The following MFN2 variants were observed in gnomAD, a reference collection of about 807,000 sequenced individuals.
The protein encoded by MFN2 is mitofusin-2.
In MFN2, 43 loss-of-function variants were observed where a neutral mutation model predicts 87.5. The ratio of observed to expected loss-of-function variants is 0.49; its 90% CI spans 0.38 to 0.63. The LOEUF (loss-of-function observed/expected upper bound fraction) is 0.63, where lower values mean the gene tolerates loss of function less well. Ranked by LOEUF, MFN2 falls within the 30% of genes least tolerant of loss-of-function variation. The pLI is 0.00. For missense variants in MFN2, 743 were observed against 972.8 expected (o/e 0.76, Z 3.14); for synonymous variants, 337 against 359.9 (o/e 0.94, Z 0.72).
rs1639467005 is a variant in MFN2, at chr1:12,007,277, G to A, written c.2069+28G>A. The A allele has an allele frequency of 3.1e-6, 5 of 1,609,790 alleles. No homozygotes were observed. The African/African-American group carries it at 4.0e-5, about 13-fold the overall frequency. ...GAGTGGCCCTGTCGGACCCCAGCAG[G>A]GGACTTCCTTTAGGCAGGGTCAGCC... On this transcript the variant is annotated intron_variant, in intron 17 of 18. Coordinates refer to ENST00000235329, the MANE Select transcript of MFN2 (RefSeq NM_014874.4).
rs1445631790 is a variant in MFN2, at chr1:12,009,736, G to T, written c.2204+10G>T. 2.5e-6 allele frequency: 4 copies of T among 1,614,032 alleles called. No individual in the cohort carries two copies. The highest frequency in any genetic ancestry group is 2.5e-6 in the Non-Finnish European group (3 of 1,180,020). ...AAGCAAAGCTGCTCAGGTGAGGCTG[G>T]CCCGTGTGGCCAAAGGTTAGGGCTC... On this transcript the variant is annotated intron_variant, in intron 18 of 18. Transcript: ENST00000235329.
intron 2 of MFN2, among the ~76,000 whole-genome samples, chr1:11,985,442 C>T (rs959436068): frequency 6.6e-6 from 1 of 150,660 alleles, no homozygotes; most frequent in Non-Finnish European, 1.5e-5. Context: ...ATATCATGCC[C>T]CATCCTTGAT....
At chr1:11,989,736 T>G (rs1638593281) in intron 3 of MFN2, among the ~76,000 whole-genome samples, 1 of 152,186 alleles carries the variant, frequency 6.6e-6, no homozygotes, top group African/African-American at 2.4e-5. Context: ...TGGCTGCCAT[T>G]AATACCAGGC....
chr1:12,007,191 G>T lies in MFN2; in HGVS notation c.2011G>T (p.Glu671Ter). The T allele has an allele frequency of 6.2e-7, 1 of 1,614,170 alleles. No homozygotes were observed. The highest frequency in any genetic ancestry group is 8.5e-7 in the Non-Finnish European group (1 of 1,180,048). The change falls in exon 17 of 19, where the codon GAG becomes TAG. Residue 671 changes from glutamate to a stop codon, truncating the protein, a stop_gained. Coordinates refer to ENST00000235329, the MANE Select transcript of MFN2 (RefSeq NM_014874.4). LOFTEE classifies it high-confidence loss of function. ...GCGCCAGTTTGTGGAGCATGCCAGC[G>T]AGAAGCTGCAGCTTGTCATCAGCTA... ...FKRQFVEHAS[E>*]KLQLVISYTG...
chr1:12,004,223 A>G lies in MFN2; in HGVS notation c.1287+105A>G. On this transcript the variant is annotated intron_variant, in intron 12 of 18. Transcript: ENST00000235329. This position sits in a 1 kb window ranked among gnomAD's most constrained non-coding sequence, Gnocchi z 4.2. ...GGGACTTCTCAGCCTTTCAGAAGAA[A>G]GTTGTGGCCCTGTTTCAAGAATACA... 1.3e-6 allele frequency: 2 copies of G among 1,483,958 alleles called. No homozygotes were observed. The highest frequency in any genetic ancestry group is 1.9e-5 in the Admixed American group (1 of 53,202). 91.9% of individuals were successfully genotyped at this position (1,483,958 alleles called of 1,614,324 possible). A position where few individuals can be genotyped will look rare whatever the true frequency, so the allele number is the denominator to read the frequency against.
intron 18 of MFN2, 79 bp downstream of exon 18, chr1:12,009,805 C>G (rs543083300): frequency 1.9e-6 from 3 of 1,601,082 alleles, no homozygotes; most frequent in Middle Eastern, 3.4e-4. Flanking sequence ...GCTGGGCTTG[C>G]GTCTTGGGTG....
intron 4 of MFN2, among the ~76,000 whole-genome samples, chr1:11,995,165 G>A (rs566789307): frequency 6.6e-6 from 1 of 152,234 alleles, no homozygotes; most frequent in South Asian, 2.1e-4. Context: ...GGGAGGCTGA[G>A]GTGGGAGGAT....
chr1:12,001,809 G>GT lies in MFN2; in HGVS notation c.1014dup (p.Gln339SerfsTer4). The GT allele has an allele frequency of 6.2e-7, 1 of 1,614,192 alleles. No homozygotes were observed. The highest frequency in any genetic ancestry group is 8.5e-7 in the Non-Finnish European group (1 of 1,180,022). ...AAGGCTTTCAAGTGAGGATGTTTGA[G>GT]TTTCAGAATTTTGAGAGGAGATTTG... is the stretch of plus-strand genomic sequence containing the variant. On this transcript the variant is annotated frameshift_variant, in exon 10 of 19. Transcript: ENST00000235329. LOFTEE classifies it high-confidence loss of function.
rs983129784 is a variant in MFN2, at chr1:11,996,021, T to C, written c.312-135T>C. On this transcript the variant is annotated intron_variant, in intron 4 of 18. Coordinates refer to ENST00000235329, the MANE Select transcript of MFN2 (RefSeq NM_014874.4). ...ATTTTAATAAACAGTGCCTACTCTT[T>C]GTCTCTCAGCACTGTCTGGGCACTG... The C allele has an allele frequency of 3.5e-5, 38 of 1,085,474 alleles. No individual in the cohort carries two copies. In the Admixed American group the frequency reaches 6.6e-4, roughly 19 times the overall value. 67.2% of individuals were successfully genotyped at this position (1,085,474 alleles called of 1,614,324 possible). A position where few individuals can be genotyped will look rare whatever the true frequency, so the allele number is the denominator to read the frequency against.
At position 12,011,681 on chromosome 1, in the gene MFN2, G is replaced by A. The variant is rs929410460; in HGVS notation, c.*116G>A. 2 of 1,066,082 alleles carry A rather than the reference G, an allele frequency of 1.9e-6. No homozygotes were observed. Among genetic ancestry groups the A allele is most frequent in the African/African-American group, 3.1e-5 (2 of 64,168 alleles). 66.0% of individuals were successfully genotyped at this position (1,066,082 alleles called of 1,614,324 possible). On this transcript the variant is annotated 3_prime_UTR_variant, in exon 19 of 19. Coordinates refer to ENST00000235329, the MANE Select transcript of MFN2 (RefSeq NM_014874.4). Reference sequence around the variant, plus strand: ...GCCCCCTGGCCACTGCCAAGAGAATGAAGCACCCAGTCTCGTACCATTTTG... The same window carrying A: ...GCCCCCTGGCCACTGCCAAGAGAATAAAGCACCCAGTCTCGTACCATTTTG...
chr1:12,000,897 C>T (rs979099886), intron 8 of MFN2, among the ~76,000 whole-genome samples: 13 of 152,166 alleles, frequency 8.5e-5, no homozygotes, highest in African/African-American at 1.7e-4. Context: ...ATCTTTGGCA[C>T]GCTCACTGCC....
At chr1:11,987,027 T>C (rs1190391241) in intron 2 of MFN2, among the ~76,000 whole-genome samples, 2 of 151,796 alleles carry the variant, frequency 1.3e-5, no homozygotes, top group Admixed American at 6.6e-5. Flanking sequence ...TGTGATAATA[T>C]GGCTGGGTAC....
rs28940296 is a variant in MFN2, at chr1:11,992,584, G to A, written c.205G>A (p.Val69Ile). The change falls in exon 4 of 19, where the codon GTT (valine) becomes ATT (isoleucine). Residue 69 changes from valine to isoleucine, a missense_variant. This residue lies in a region of MFN2 where 141 missense variants were observed against 278.9 expected (regional missense o/e 0.51). Transcript: ENST00000235329. ...DTYRNAELDPVTTEEQVLDVK... is the reference protein window; with the variant it reads ...DTYRNAELDPITTEEQVLDVK... Reference sequence around the variant, plus strand: ...GTACAGGAATGCAGAACTGGACCCCGTTACCACAGAAGAACAGGTTCTGGA... The same window carrying A: ...GTACAGGAATGCAGAACTGGACCCCATTACCACAGAAGAACAGGTTCTGGA... The A allele has an allele frequency of 8.1e-6, 13 of 1,614,082 alleles. No homozygotes were observed. In the East Asian group the frequency reaches 8.9e-5, roughly 11 times the overall value.
At chr1:11,988,536 G>C (rs906310447) in intron 2 of MFN2, among the ~76,000 whole-genome samples, 1 of 151,656 alleles carries the variant, frequency 6.6e-6, no homozygotes, top group Admixed American at 6.6e-5. Context: ...ACTGAACCTG[G>C]CCCCTAACCA....
rs1419691271 is a variant in MFN2, at chr1:12,009,874, C to G, written c.2204+148C>G. 10 of 1,214,844 alleles carry G rather than the reference C, an allele frequency of 8.2e-6. No individual in the cohort carries two copies. In the Admixed American group the frequency reaches 1.4e-4, roughly 17 times the overall value. The allele number at this position is 1,214,844 out of a possible 1,614,324, so 75.3% of individuals were successfully genotyped here. On this transcript the variant is annotated intron_variant, in intron 18 of 18. Transcript: ENST00000235329. ...ATTCGTGTTAGATGTGTACCATGGGCTGGGCACGGTGGCTGACGCCTATAA... is the reference window on the plus strand; with the variant it reads ...ATTCGTGTTAGATGTGTACCATGGGGTGGGCACGGTGGCTGACGCCTATAA...
intron 3 of MFN2, among the ~76,000 whole-genome samples, chr1:11,991,923 CAAA>C (rs35314016): frequency 7.2e-4 from 12 of 16,724 alleles, no homozygotes; most frequent in South Asian, 8.6e-3. Flanking sequence ...GACTCCGTCT[CAAA>C]AAAAAAAAAA....
At chr1:12,005,015 C>G in intron 14 of MFN2, 88 bp downstream of exon 14, 3 of 1,000,022 alleles carry the variant, frequency 3.0e-6, no homozygotes, top group Admixed American at 2.0e-5. Context: ...TCAGGACTTT[C>G]CTTATCTGTC....
intron 17 of MFN2, among the ~76,000 whole-genome samples, chr1:12,007,652 T>G (rs75070152): frequency 0.047 from 7,147 of 152,268 alleles, 236 homozygotes; most frequent in East Asian, 0.13. Flanking sequence ...GGGATGAATA[T>G]CCTCGCTTCC....
rs1639703527 is a variant in MFN2, at chr1:12,011,615, T to C, written c.*50T>C. 6.2e-7 allele frequency: 1 copy of C among 1,600,156 alleles called. No homozygotes were observed. The highest frequency in any genetic ancestry group is 1.3e-5 in the African/African-American group (1 of 74,608). On this transcript the variant is annotated 3_prime_UTR_variant, in exon 19 of 19. Coordinates refer to ENST00000235329, the MANE Select transcript of MFN2 (RefSeq NM_014874.4). ...TGGAGAGGGGCGGTGCTGCCAGCCC[T>C]AAGTGCCATGTGGGCTCCCCCAGGG...
Sources: gnomAD v4.1 joint callset for allele counts (sites outside exome capture counted in the v4.1 genomes callset) on GRCh38, gnomAD v4.1.1 for gene constraint, gnomAD v4.1.1 regional missense constraint, Gnocchi (gnomAD v3.1) non-coding constraint, MANE v1.5 for transcripts, NCBI Gene and HGNC (gene_info 2026-07-23, HGNC 2026-07-21) for gene names.